Variants in HEMK2 observed in about 807,000 individuals in gnomAD.
The protein encoded by HEMK2 is methyltransferase HEMK2.
At chr21:28,578,805 T>A in the HEMK2 span, among the ~76,000 whole-genome samples, 1 of 152,318 alleles carries the variant, frequency 6.6e-6, no homozygotes, top group African/African-American at 2.4e-5. Context: ...TTTTACTAGA[T>A]GTCAAGGCAG....
At chr21:28,694,319 T>A in the HEMK2 span, among the ~76,000 whole-genome samples, 4 of 152,224 alleles carry the variant, frequency 2.6e-5, no homozygotes, top group Non-Finnish European at 5.9e-5. Context: ...TAAGTCTGTG[T>A]GCAATATCTA....
the HEMK2 span, among the ~76,000 whole-genome samples, chr21:28,796,179 G>A: frequency 3.9e-5 from 6 of 152,158 alleles, no homozygotes; most frequent in Non-Finnish European, 8.8e-5. Context: ...CTGTCGCCCA[G>A]GATGGAGTGC....
the HEMK2 span, among the ~76,000 whole-genome samples, chr21:28,606,427 G>A: frequency 6.6e-6 from 1 of 152,106 alleles, no homozygotes; most frequent in Non-Finnish European, 1.5e-5. Flanking sequence ...CCTGCAACAG[G>A]CATCTCCTGA....
the HEMK2 span, among the ~76,000 whole-genome samples, chr21:28,752,547 TA>T: frequency 1.3e-5 from 2 of 152,094 alleles, no homozygotes; most frequent in Admixed American, 6.5e-5. Flanking sequence ...TCCACTGTCA[TA>T]AAAAAATGGA....
chr21:28,672,923 C>T, the HEMK2 span, among the ~76,000 whole-genome samples: 27,724 of 148,894 alleles, frequency 0.19, 2,748 homozygotes, highest in East Asian at 0.39. Flanking sequence ...CTTCCTTCTA[C>T]ATGATAAACG....
the HEMK2 span, chr21:28,878,409 T>A: frequency 6.5e-7 from 1 of 1,535,622 alleles, no homozygotes; most frequent in African/African-American, 1.4e-5. Flanking sequence ...TTTTGACAAG[T>A]AATATCACCA....
chr21:28,872,620 T>C, the HEMK2 span: 2 of 152,208 alleles, frequency 1.3e-5, no homozygotes, highest in African/African-American at 2.4e-5. Context: ...TACATGATTA[T>C]GGAGGCTAAG....
chr21:28,634,007 C>G, the HEMK2 span, among the ~76,000 whole-genome samples: 6 of 152,178 alleles, frequency 3.9e-5, no homozygotes, highest in East Asian at 1.2e-3. Context: ...AGCTACAGTG[C>G]CTGTTTAATT....
chr21:28,836,486 C>T, the HEMK2 span, among the ~76,000 whole-genome samples: 1 of 151,810 alleles, frequency 6.6e-6, no homozygotes, highest in Admixed American at 6.6e-5. Flanking sequence ...CTAAAAGGAG[C>T]TCTAAATCTT....
chr21:28,694,773 C>T, the HEMK2 span, among the ~76,000 whole-genome samples: 279 of 152,220 alleles, frequency 1.8e-3, 1 homozygote, highest in African/African-American at 6.3e-3. Context: ...GGGAGGATCA[C>T]GAGGTCAGGA....
chr21:28,845,682 T>C, the HEMK2 span, among the ~76,000 whole-genome samples: 1 of 148,538 alleles, frequency 6.7e-6, no homozygotes, highest in African/African-American at 2.6e-5. Context: ...TAATTGTAAG[T>C]AGAAATTTTT....
At chr21:28,819,757 C>A in the HEMK2 span, among the ~76,000 whole-genome samples, 1 of 151,852 alleles carries the variant, frequency 6.6e-6, no homozygotes, top group African/African-American at 2.4e-5. Flanking sequence ...ACCATGTTGG[C>A]CAGGATGGTC....
chr21:28,860,452 A>T, the HEMK2 span, among the ~76,000 whole-genome samples: 1 of 149,042 alleles, frequency 6.7e-6, no homozygotes. Context: ...CTTTATATAT[A>T]CAAAATATAT....
At chr21:28,846,693 T>C in the HEMK2 span, among the ~76,000 whole-genome samples, 1 of 152,086 alleles carries the variant, frequency 6.6e-6, no homozygotes, top group Admixed American at 6.5e-5. Context: ...TATAGGTAAA[T>C]TGTGTGTTGC....
chr21:28,825,402 A>C, the HEMK2 span, among the ~76,000 whole-genome samples: 1 of 152,208 alleles, frequency 6.6e-6, no homozygotes, highest in Non-Finnish European at 1.5e-5. Context: ...TCAGCTGAGC[A>C]TAAGTAATAG....
the HEMK2 span, among the ~76,000 whole-genome samples, chr21:28,834,580 T>C: frequency 4.6e-5 from 7 of 152,254 alleles, no homozygotes; most frequent in South Asian, 1.5e-3. Context: ...GGGATAAAAC[T>C]ACACAAGGAG....
chr21:28,772,949 C>G, the HEMK2 span, among the ~76,000 whole-genome samples: 2 of 152,154 alleles, frequency 1.3e-5, no homozygotes, highest in Non-Finnish European at 2.9e-5. Flanking sequence ...CTGGAATTAG[C>G]ATCCAATAAC....
the HEMK2 span, among the ~76,000 whole-genome samples, chr21:28,831,487 G>GA: frequency 2.5e-3 from 151 of 59,602 alleles, 2 homozygotes; most frequent in African/African-American, 8.0e-3. Flanking sequence ...AAGAAAGAAA[G>GA]AAAGAAAGAA....
At chr21:28,742,975 GA>G in the HEMK2 span, among the ~76,000 whole-genome samples, 2 of 152,104 alleles carry the variant, frequency 1.3e-5, no homozygotes, top group African/African-American at 4.8e-5. Context: ...TTCCCATTGT[GA>G]TAGTAAATAT....
Sources: gnomAD v4.1 joint callset for allele counts (sites outside exome capture counted in the v4.1 genomes callset) on GRCh38, gnomAD v4.1.1 for gene constraint, MANE v1.5 for transcripts, NCBI Gene and HGNC (gene_info 2026-07-23, HGNC 2026-07-21) for gene names.